C14orf39: variants seen among roughly 807,000 people sequenced by gnomAD.
C14orf39 encodes the protein protein SIX6OS1.
C14orf39 carries 66 observed loss-of-function variants against 85.6 expected under a neutral mutation model. The observed-to-expected ratio is 0.77, with a 90% CI of 0.63 to 0.95. C14orf39 has a LOEUF of 0.95. C14orf39 is among the 40% of genes least tolerant of loss of function. C14orf39 has a pLI of 0.00. For missense variants in C14orf39, 735 were observed against 663.9 expected, an observed-to-expected ratio of 1.11 and a Z score of -1.18; for synonymous variants, 242 against 214.0, an observed-to-expected ratio of 1.13 and a Z score of -1.14.
intron 2 of C14orf39, among the ~76,000 whole-genome samples, chr14:60,492,195 T>G (rs1260357129): frequency 6.6e-6 from 1 of 152,190 alleles, no homozygotes; most frequent in Non-Finnish European, 1.5e-5. Flanking sequence ...TGGAGTAACA[T>G]TCTGGCCTTC....
In C14orf39 at chr14:60,467,033, T is replaced by C. The variant is rs756980768; in HGVS notation, c.779A>G (p.Lys260Arg). The part of the protein sequence containing the change: ...RKELKERIFG[K>R]DEHVLTLNKT... ...ATTCAATGTAAGTACATGCTCATCT[T>C]TTCCAAAAATTCTAAAGAGAAAGGT... The change falls in exon 10 of 18, where the codon AAA (lysine) becomes AGA (arginine). Residue 260 changes from lysine to arginine, a missense_variant. Transcript: ENST00000321731. The C allele has an allele frequency of 1.6e-5, 22 of 1,348,418 alleles. No individual in the cohort carries two copies. The highest frequency in any genetic ancestry group is 2.0e-5 in the Non-Finnish European group (20 of 1,021,732). 83.5% of individuals were successfully genotyped at this position (1,348,418 alleles called of 1,614,324 possible). A position where few individuals can be genotyped will look rare whatever the true frequency, so the allele number is the denominator to read the frequency against.
intron 9 of C14orf39, among the ~76,000 whole-genome samples, chr14:60,468,099 T>TA (rs1024176720): frequency 1.3e-5 from 2 of 151,598 alleles, no homozygotes; most frequent in Admixed American, 1.3e-4. Context: ...AAAAAGTAAA[T>TA]ACCTTGCTAT....
chr14:60,455,021 T>C lies in C14orf39; in HGVS notation c.1483A>G (p.Thr495Ala), dbSNP rs762791951. ...LNLFDSSVFD[T>A]EISSDQFNEH... ...ATTACCTGATCTGATGAGATTTCTG[T>C]ATCAAATACAGAAGAATCAAATAAA... Residue 495 changes from threonine to alanine, a missense_variant, in exon 16 of 18, where the codon ACA (threonine) becomes GCA (alanine). Physicochemically the swap from Thr to Ala is moderately conservative, Grantham distance 58. Transcript: ENST00000321731. 1 of 1,550,906 alleles carries C rather than the reference T, an allele frequency of 6.4e-7. No individual in the cohort carries two copies. The highest frequency in any genetic ancestry group is 2.4e-5 in the East Asian group (1 of 41,076).
intron 11 of C14orf39, among the ~76,000 whole-genome samples, chr14:60,462,908 G>A (rs1276511473): frequency 6.6e-6 from 1 of 152,038 alleles, no homozygotes; most frequent in East Asian, 1.9e-4. Context: ...GGACACACCT[G>A]CAAGGAGAAT....
At chr14:60,504,047 T>C (rs939006907) in intron 1 of C14orf39, among the ~76,000 whole-genome samples, 6 of 152,188 alleles carry the variant, frequency 3.9e-5, no homozygotes, top group Non-Finnish European at 7.3e-5. Context: ...ATCTCTGGCC[T>C]GCACCCACTA....
chr14:60,500,511 A>C (rs1312552030), intron 1 of C14orf39, among the ~76,000 whole-genome samples: 1 of 152,242 alleles, frequency 6.6e-6, no homozygotes, highest in East Asian at 1.9e-4. Flanking sequence ...CATTGTTATA[A>C]TGGTGAAAAA....
chr14:60,450,444 G>A (rs1000677781), intron 16 of C14orf39, among the ~76,000 whole-genome samples: 1 of 152,178 alleles, frequency 6.6e-6, no homozygotes, highest in Admixed American at 6.5e-5. Context: ...TGGAAAGGGA[G>A]GGAAGAGCAG....
intron 17 of C14orf39, among the ~76,000 whole-genome samples, chr14:60,438,347 C>G (rs1252580424): frequency 6.6e-6 from 1 of 152,024 alleles, no homozygotes; most frequent in Admixed American, 6.6e-5. Flanking sequence ...ATGTGTATTT[C>G]TCAGTACACA....
chr14:60,447,991 T>G (rs1051088495), intron 16 of C14orf39, among the ~76,000 whole-genome samples: 2 of 152,226 alleles, frequency 1.3e-5, no homozygotes, highest in Non-Finnish European at 2.9e-5. Context: ...GCTAGCCATA[T>G]GTAGAAAGCT....
intron 14 of C14orf39, among the ~76,000 whole-genome samples, chr14:60,457,390 G>T (rs1054855335): frequency 2.6e-5 from 4 of 151,830 alleles, no homozygotes; most frequent in Admixed American, 1.3e-4. Context: ...GACTAGGAAT[G>T]ATTTTTCTTT....
At chr14:60,437,722 A>G (rs1890323393) in intron 17 of C14orf39, among the ~76,000 whole-genome samples, 1 of 152,048 alleles carries the variant, frequency 6.6e-6, no homozygotes, top group Non-Finnish European at 1.5e-5. Flanking sequence ...TGGAGGAAAA[A>G]ATGCTGAATC....
chr14:60,436,810 G>A lies in C14orf39; in HGVS notation c.*35C>T. 6.9e-7 allele frequency: 1 copy of A among 1,443,958 alleles called. No individual in the cohort carries two copies. Among genetic ancestry groups the A allele is most frequent in the Non-Finnish European group, 9.6e-7 (1 of 1,037,680 alleles). 89.4% of individuals were successfully genotyped at this position (1,443,958 alleles called of 1,614,324 possible). On this transcript the variant is annotated 3_prime_UTR_variant, in exon 18 of 18. Transcript: ENST00000321731. ...GTAAATTTATGCCCTCATGAACACA[G>A]AACAGTAAAATAATTTAAGGAATTA...
chr14:60,439,584 G>A (rs1398872279), intron 17 of C14orf39, among the ~76,000 whole-genome samples: 2 of 152,138 alleles, frequency 1.3e-5, no homozygotes, highest in South Asian at 2.1e-4. Flanking sequence ...GACGTCAGAA[G>A]GAGAGCAAGT....
At chr14:60,483,880 A>T in intron 3 of C14orf39, 63 bp from the exon 4 acceptor site, 1 of 1,222,756 alleles carries the variant, frequency 8.2e-7, no homozygotes, top group Non-Finnish European at 1.1e-6. Context: ...AAACAAATAG[A>T]GAAAAAAAAT....
At chr14:60,496,066 C>G in intron 2 of C14orf39, 1 of 784,248 alleles carries the variant, frequency 1.3e-6, no homozygotes, top group African/African-American at 1.7e-5. Flanking sequence ...TTCAAGGCAT[C>G]CAGAGACAGA....
chr14:60,458,586 T>TA, intron 14 of C14orf39, 92 bp downstream of exon 14: 1 of 852,586 alleles, frequency 1.2e-6, no homozygotes, highest in South Asian at 1.7e-5. Flanking sequence ...ACATCTCACA[T>TA]AAATCACTGT....
intron 13 of C14orf39, 85 bp downstream of exon 13, chr14:60,461,269 T>C: frequency 8.5e-7 from 1 of 1,181,912 alleles, no homozygotes; most frequent in East Asian, 2.4e-5. Context: ...ATGCAAATAA[T>C]CGAAACAATT....
chr14:60,472,381 T>C (rs1223107491), intron 5 of C14orf39, among the ~76,000 whole-genome samples: 1 of 152,004 alleles, frequency 6.6e-6, no homozygotes, highest in Non-Finnish European at 1.5e-5. Flanking sequence ...AGTTAATTCT[T>C]GAAAAAGGAC....
intron 4 of C14orf39, among the ~76,000 whole-genome samples, chr14:60,482,504 C>T (rs937665709): frequency 4.6e-5 from 7 of 152,034 alleles, no homozygotes; most frequent in Admixed American, 3.3e-4. Context: ...AAATTTTGTT[C>T]CCATACATTG....
Sources: gnomAD v4.1 joint callset for allele counts (sites outside exome capture counted in the v4.1 genomes callset) on GRCh38, gnomAD v4.1.1 for gene constraint, MANE v1.5 for transcripts, NCBI Gene and HGNC (gene_info 2026-07-23, HGNC 2026-07-21) for gene names.